Variants in PTPRM observed in about 807,000 individuals in gnomAD.
The protein encoded by PTPRM is receptor-type tyrosine-protein phosphatase mu.
Under a neutral mutation model 186.7 loss-of-function variants are expected in PTPRM, and 47 were observed. The ratio of observed to expected loss-of-function variants is 0.25; its 90% CI spans 0.20 to 0.32. The LOEUF is 0.32. PTPRM is among the 10% of genes least tolerant of loss of function. The pLI is 1.00. For synonymous variants in PTPRM, 668 were observed against 674.9 expected (o/e 0.99, Z 0.16); for missense variants, 1,494 against 1,865.0 (o/e 0.80, Z 3.66).
At chr18:8,107,326 G>C (rs1204631032) in intron 11 of PTPRM, among the ~76,000 whole-genome samples, 1 of 152,152 alleles carries the variant, frequency 6.6e-6, no homozygotes, top group Non-Finnish European at 1.5e-5. Context: ...GCCTTTTACA[G>C]AGCTTCTCAG....
At chr18:7,702,408 T>C (rs763284956) in intron 1 of PTPRM, among the ~76,000 whole-genome samples, 2 of 152,210 alleles carry the variant, frequency 1.3e-5, no homozygotes, top group Non-Finnish European at 2.9e-5. Flanking sequence ...TGGTATCTCA[T>C]TGTGGTTTTG....
At chr18:8,375,176 C>A (rs993831118) in intron 24 of PTPRM, among the ~76,000 whole-genome samples, 3 of 152,176 alleles carry the variant, frequency 2.0e-5, no homozygotes, top group African/African-American at 7.2e-5. Context: ...CAAGAGCAAA[C>A]CGTAAAGTCT....
intron 23 of PTPRM, among the ~76,000 whole-genome samples, chr18:8,355,412 A>T (rs772289616): frequency 5.3e-5 from 8 of 152,134 alleles, no homozygotes; most frequent in African/African-American, 1.4e-4. Context: ...AGGACCCTGG[A>T]GGGAAGCTGC....
chr18:7,707,036 A>T (rs575456459), intron 1 of PTPRM, among the ~76,000 whole-genome samples: 1 of 152,244 alleles, frequency 6.6e-6, no homozygotes, highest in African/African-American at 2.4e-5. Context: ...TTTTTAGAAT[A>T]TTGTTATTTA....
intron 5 of PTPRM, among the ~76,000 whole-genome samples, chr18:7,944,043 G>A (rs537917637): frequency 5.3e-5 from 8 of 152,196 alleles, no homozygotes; most frequent in African/African-American, 7.2e-5. Flanking sequence ...TTCCCTGTTC[G>A]TCTCCATTGT....
intron 8 of PTPRM, among the ~76,000 whole-genome samples, chr18:8,071,414 C>T (rs1223882292): frequency 1.3e-5 from 2 of 152,150 alleles, no homozygotes; most frequent in African/African-American, 4.8e-5. Flanking sequence ...ATTGTTTCTA[C>T]CTTTTCTTTG....
chr18:8,114,105 G>T (rs2091867207), intron 12 of PTPRM, among the ~76,000 whole-genome samples: 1 of 152,002 alleles, frequency 6.6e-6, no homozygotes, highest in African/African-American at 2.4e-5. Context: ...AAAATTTTGT[G>T]AGATTCACAG....
chr18:7,772,437 C>CTT (rs1428575538), intron 1 of PTPRM, among the ~76,000 whole-genome samples: 2 of 129,180 alleles, frequency 1.5e-5, no homozygotes, highest in African/African-American at 6.5e-5. Context: ...CCTTCCCCTT[C>CTT]CCCTTCCCCT....
intron 1 of PTPRM, among the ~76,000 whole-genome samples, chr18:7,644,121 A>G (rs1414712088): frequency 6.6e-6 from 1 of 152,182 alleles, no homozygotes; most frequent in African/African-American, 2.4e-5. Flanking sequence ...TTTAAATGCC[A>G]TAAATAGAAT....
chr18:8,220,670 C>T (rs1413248495), intron 14 of PTPRM, among the ~76,000 whole-genome samples: 2 of 152,130 alleles, frequency 1.3e-5, no homozygotes, highest in Non-Finnish European at 2.9e-5. Context: ...GAAAAAGAGC[C>T]AAGACTTAAT....
At chr18:7,988,375 G>T (rs2083081993) in intron 7 of PTPRM, among the ~76,000 whole-genome samples, 3 of 151,878 alleles carry the variant, frequency 2.0e-5, no homozygotes, top group Admixed American at 2.0e-4. Context: ...AAATGAAAAG[G>T]GCTTTAAAAT....
intron 1 of PTPRM, among the ~76,000 whole-genome samples, chr18:7,702,218 GT>G (rs1441498054): frequency 6.6e-6 from 1 of 152,180 alleles, no homozygotes; most frequent in Non-Finnish European, 1.5e-5. Flanking sequence ...TAATGGGATT[GT>G]TGGGTCAAAT....
chr18:8,372,962 T>C (rs144220446), intron 24 of PTPRM, among the ~76,000 whole-genome samples: 7 of 152,102 alleles, frequency 4.6e-5, no homozygotes, highest in Admixed American at 2.0e-4. Flanking sequence ...TTTAACCTCT[T>C]ATTGTACTCC....
chr18:7,853,700 G>A (rs573852008), intron 2 of PTPRM, among the ~76,000 whole-genome samples: 79 of 152,002 alleles, frequency 5.2e-4, no homozygotes, highest in South Asian at 3.5e-3. Context: ...CCTTTGGAAA[G>A]GGGGAATAGA....
chr18:8,290,882 A>G (rs2095035268), intron 19 of PTPRM, among the ~76,000 whole-genome samples: 1 of 152,200 alleles, frequency 6.6e-6, no homozygotes, highest in South Asian at 2.1e-4. Context: ...CCAAAAATAC[A>G]TCTAGTGTTT....
intron 14 of PTPRM, among the ~76,000 whole-genome samples, chr18:8,209,520 G>T (rs887276715): frequency 6.6e-6 from 1 of 152,054 alleles, no homozygotes; most frequent in Admixed American, 6.5e-5. Flanking sequence ...TAAGAAGTCG[G>T]GATTTGTTTG....
At chr18:8,092,923 G>A (rs953926452) in intron 11 of PTPRM, among the ~76,000 whole-genome samples, 5 of 152,138 alleles carry the variant, frequency 3.3e-5, no homozygotes, top group African/African-American at 1.2e-4. Flanking sequence ...TGAGGCTGGA[G>A]GATTGCTTGA....
At chr18:8,128,914 C>A (rs557051415) in intron 13 of PTPRM, among the ~76,000 whole-genome samples, 1 of 151,876 alleles carries the variant, frequency 6.6e-6, no homozygotes, top group Non-Finnish European at 1.5e-5. Context: ...TGAAGGAAAC[C>A]AAAACAATAT....
At chr18:8,115,842 C>G (rs565023858) in intron 13 of PTPRM, among the ~76,000 whole-genome samples, 65 of 152,268 alleles carry the variant, frequency 4.3e-4, no homozygotes, top group African/African-American at 1.5e-3. Flanking sequence ...ATTTTGTGAA[C>G]TTACATGACT....
Sources: gnomAD v4.1 joint callset for allele counts (sites outside exome capture counted in the v4.1 genomes callset) on GRCh38, gnomAD v4.1.1 for gene constraint, MANE v1.5 for transcripts, NCBI Gene and HGNC (gene_info 2026-07-23, HGNC 2026-07-21) for gene names.